Variants in SGPL1 observed in about 807,000 individuals in gnomAD.
SGPL1 encodes the protein sphingosine-1-phosphate lyase 1, also known as SP-lyase 1.
A neutral mutation model predicts 68.9 loss-of-function variants in SGPL1; 37 were observed. The observed-to-expected ratio is 0.54, with a 90% confidence interval of 0.41 to 0.71. SGPL1 has a LOEUF of 0.71. SGPL1 is among the 30% of genes least tolerant of loss of function. The pLI is 0.00. For missense variants in SGPL1, 551 were observed against 704.6 expected (o/e 0.78, Z 2.47); for synonymous variants, 236 against 248.5 (o/e 0.95, Z 0.47).
chr10:70,826,211 T>C (rs1564617363), intron 2 of SGPL1, among the ~76,000 whole-genome samples: 1 of 149,830 alleles, frequency 6.7e-6, no homozygotes, highest in African/African-American at 2.5e-5. Flanking sequence ...TACAATACAA[T>C]ACAACACAAC....
At chr10:70,838,651 A>G (rs956714507) in intron 2 of SGPL1, among the ~76,000 whole-genome samples, 7 of 152,234 alleles carry the variant, frequency 4.6e-5, no homozygotes, top group African/African-American at 1.7e-4. Context: ...AAATTTAAGG[A>G]AGCCAGAAGT....
intron 2 of SGPL1, among the ~76,000 whole-genome samples, chr10:70,838,190 G>T (rs1046721679): frequency 6.6e-6 from 1 of 152,142 alleles, no homozygotes; most frequent in Non-Finnish European, 1.5e-5. Context: ...GTGTGGGTCT[G>T]GAAATATTTG....
At chr10:70,869,740 T>G in intron 8 of SGPL1, 52 bp from the exon 9 acceptor site, 7 of 1,333,412 alleles carry the variant, frequency 5.2e-6, no homozygotes, top group Non-Finnish European at 7.4e-6. Flanking sequence ...CTAATGGTGT[T>G]TTCTATTATT....
chr10:70,840,483 T>C (rs1281598251), intron 2 of SGPL1, among the ~76,000 whole-genome samples: 2 of 152,062 alleles, frequency 1.3e-5, no homozygotes, highest in Admixed American at 6.6e-5. Context: ...AGCCCAATAA[T>C]TCAGTGAGCT....
chr10:70,843,466 A>C (rs1488066770), intron 2 of SGPL1, among the ~76,000 whole-genome samples: 2 of 152,244 alleles, frequency 1.3e-5, no homozygotes, highest in Admixed American at 6.5e-5. Flanking sequence ...GGGATTGTAG[A>C]TATGAATAGA....
Position 70,816,724 on chromosome 10 carries a change from C to A in SGPL1, c.-43-87C>A, listed in dbSNP as rs1845238064. 10 of 889,752 alleles carry A rather than the reference C, an allele frequency of 1.1e-5. No individual in the cohort carries two copies. The South Asian group carries it at 1.3e-4, about 12-fold the overall frequency. 55.1% of individuals were successfully genotyped at this position (889,752 alleles called of 1,614,324 possible). ...TGAGCCTTCAAAGGAGGGAGAGAAC[C>A]ATAACTTGGCTGCTCTGGCGAATCT... On this transcript the variant is annotated intron_variant, in intron 1 of 14. Transcript: ENST00000373202.
intron 3 of SGPL1, among the ~76,000 whole-genome samples, chr10:70,848,405 G>A (rs1845823765): frequency 6.9e-6 from 1 of 145,612 alleles, no homozygotes; most frequent in Admixed American, 6.9e-5. Flanking sequence ...GTTTTCAAAT[G>A]TGTAAGTTGT....
chr10:70,860,561 T>G lies in SGPL1; in HGVS notation c.615+1062T>G, dbSNP rs1294935132. On this transcript the variant is annotated intron_variant, in intron 7 of 14. Transcript: ENST00000373202. ...AATACAGCAGCAGTTTCCCTTAGAG[T>G]ACTGAGGTGAACAGGGTGACTTTCA... is the stretch of plus-strand genomic sequence containing the variant. 3.9e-5 allele frequency: 16 copies of G among 414,486 alleles called. No individual in the cohort carries two copies. In the East Asian group the frequency reaches 1.1e-3, roughly 28 times the overall value. The allele number at this position is 414,486 out of a possible 1,614,324, so 25.7% of individuals were successfully genotyped here. A position where few individuals can be genotyped will look rare whatever the true frequency, so the allele number is the denominator to read the frequency against.
chr10:70,865,803 C>T (rs1405158897), intron 7 of SGPL1, among the ~76,000 whole-genome samples: 1 of 152,228 alleles, frequency 6.6e-6, no homozygotes, highest in African/African-American at 2.4e-5. Flanking sequence ...ATTAGGTTAC[C>T]ATGTGAAACA....
rs746887949 is a variant in SGPL1 at position 70,876,608 on chromosome 10, C to G, written c.1513C>G (p.Arg505Gly). The change falls in exon 14 of 15, where the codon CGA becomes GGA. Residue 505 changes from arginine to glycine, a missense_variant. Coordinates refer to ENST00000373202, the MANE Select transcript of SGPL1 (RefSeq NM_003901.4). ...AGCTATACAATTCCTAAAGGACATT[C>G]GAGAATCTGTCACTCAAATCATGAA... ...RVAIQFLKDI[R>G]ESVTQIMKNP... is the part of the protein sequence containing the mutation. 7 of 1,612,916 alleles carry G rather than the reference C, an allele frequency of 4.3e-6. No individual in the cohort carries two copies. The highest frequency in any genetic ancestry group is 5.9e-6 in the Non-Finnish European group (7 of 1,178,908).
rs191584805 is a variant in SGPL1 at position 70,851,023 on chromosome 10, C to T, written c.194-120C>T. On this transcript the variant is annotated intron_variant, in intron 3 of 14. Transcript: ENST00000373202. ...AAAAGTTTTTTTAAAATTTTTTAAA[C>T]GAAAGAAACTCTTTGCAATTGGAAG... The T allele has an allele frequency of 3.7e-3, 2,702 of 738,290 alleles. 11 individuals are homozygous for T. The highest frequency in any genetic ancestry group is 5.2e-3 in the Non-Finnish European group (2,295 of 437,638). 45.7% of individuals were successfully genotyped at this position (738,290 alleles called of 1,614,324 possible). A position where few individuals can be genotyped will look rare whatever the true frequency, so the allele number is the denominator to read the frequency against.
intron 2 of SGPL1, among the ~76,000 whole-genome samples, chr10:70,818,591 G>T (rs998173217): frequency 6.6e-6 from 1 of 152,198 alleles, no homozygotes; most frequent in African/African-American, 2.4e-5. Context: ...TGCTGACATC[G>T]TAGTGGCATA....
chr10:70,816,944 G>A, intron 2 of SGPL1, 64 bp downstream of exon 2: 2 of 1,470,590 alleles, frequency 1.4e-6, no homozygotes, highest in Non-Finnish European at 1.9e-6. Context: ...TAGTCCAAAG[G>A]ATCCCAGTGT....
chr10:70,852,717 TG>T lies in SGPL1; in HGVS notation c.261+1508del, dbSNP rs1564625349. ...AATTACATGTGTGTATGTGTGTGTGTGTGTGTGTGTGCGCGCGCACGCGTGT... is the reference window on the plus strand; with the variant it reads ...AATTACATGTGTGTATGTGTGTGTGTTGTGTGTGTGCGCGCGCACGCGTGT... On this transcript the variant is annotated intron_variant, in intron 4 of 14. Transcript: ENST00000373202. Among the ~76,000 whole-genome samples, 3 of 151,314 alleles carry T rather than the reference TG, an allele frequency of 2.0e-5. No individual in the cohort carries two copies. In the Admixed American group the frequency reaches 2.0e-4, roughly 10 times the overall value.
At chr10:70,865,309 C>A (rs1481668835) in intron 7 of SGPL1, among the ~76,000 whole-genome samples, 2 of 146,366 alleles carry the variant, frequency 1.4e-5, no homozygotes, top group African/African-American at 2.5e-5. Flanking sequence ...ACTCTTTTCT[C>A]TCCCTGCACT....
chr10:70,834,804 T>C (rs1845598579), intron 2 of SGPL1, among the ~76,000 whole-genome samples: 1 of 152,180 alleles, frequency 6.6e-6, no homozygotes, highest in Non-Finnish European at 1.5e-5. Flanking sequence ...CCACTGATAG[T>C]TTGGCTCTGG....
intron 7 of SGPL1, chr10:70,866,618 C>T (rs572999273): frequency 6.6e-6 from 1 of 152,274 alleles, no homozygotes; most frequent in African/African-American, 2.4e-5. Flanking sequence ...CCCGACTCTT[C>T]ACAGCTGGCT....
At chr10:70,826,195 A>G (rs76879213) in intron 2 of SGPL1, among the ~76,000 whole-genome samples, 6,361 of 152,288 alleles carry the variant, frequency 0.042, 200 homozygotes, top group Non-Finnish European at 0.062. Context: ...AAAAATTACA[A>G]CACAGTACAA....
chr10:70,856,686 T>G (rs1254202345), intron 5 of SGPL1, among the ~76,000 whole-genome samples: 1 of 152,202 alleles, frequency 6.6e-6, no homozygotes, highest in Non-Finnish European at 1.5e-5. Context: ...GTCTGTATAT[T>G]TACCACTTAG....
Sources: allele counts gnomAD v4.1 joint callset (sites outside exome capture counted in the v4.1 genomes callset), GRCh38; gene constraint gnomAD v4.1.1; transcripts MANE v1.5; gene names NCBI Gene and HGNC (gene_info 2026-07-23, HGNC 2026-07-21).